The following RFTN2 variants were observed in gnomAD, a reference collection of about 807,000 sequenced individuals.
RFTN2 encodes the protein raftlin-2.
A neutral mutation model predicts 52.7 loss-of-function variants in RFTN2; 34 were observed. The ratio of observed to expected loss-of-function variants is 0.64; its 90% confidence interval spans 0.49 to 0.86. The LOEUF (loss-of-function observed/expected upper bound fraction) is 0.86, where lower values mean the gene tolerates loss of function less well. Ranked by LOEUF, RFTN2 falls within the 40% of genes least tolerant of loss-of-function variation. RFTN2 has a pLI of 0.00. For missense variants in RFTN2, 536 were observed against 600.1 expected (o/e 0.89, Z 1.12); for synonymous variants, 203 against 217.7 (o/e 0.93, Z 0.59).
chr2:197,654,424 A>C (rs1234021830), intron 1 of RFTN2, among the ~76,000 whole-genome samples: 2 of 152,080 alleles, frequency 1.3e-5, no homozygotes, highest in Non-Finnish European at 2.9e-5. Context: ...AAAACAAAAA[A>C]GGAGAAAAAT....
At chr2:197,658,457 T>C (rs1352028301) in intron 1 of RFTN2, among the ~76,000 whole-genome samples, 1 of 151,918 alleles carries the variant, frequency 6.6e-6, no homozygotes, top group Non-Finnish European at 1.5e-5. Flanking sequence ...TTATTGTTTT[T>C]TTTTTTTTTG....
At chr2:197,646,729 AC>A in intron 1 of RFTN2, 63 bp from the exon 2 acceptor site, 1 of 1,289,700 alleles carries the variant, frequency 7.8e-7, no homozygotes, top group Non-Finnish European at 1.1e-6. Context: ...CATTATTTCT[AC>A]CTATGGGTGA....
At chr2:197,627,870 C>G (rs1412961336) in intron 5 of RFTN2, among the ~76,000 whole-genome samples, 1 of 127,116 alleles carries the variant, frequency 7.9e-6, no homozygotes, top group Non-Finnish European at 1.7e-5. Context: ...GAACATCTGT[C>G]CCCCGCCCCC....
intron 5 of RFTN2, among the ~76,000 whole-genome samples, chr2:197,626,226 C>G (rs2088356876): frequency 6.6e-6 from 1 of 152,138 alleles, no homozygotes; most frequent in South Asian, 2.1e-4. Context: ...TGAATGCAGG[C>G]ACCTTATGTA....
chr2:197,609,306 A>G (rs2088016366), intron 7 of RFTN2, among the ~76,000 whole-genome samples: 1 of 152,038 alleles, frequency 6.6e-6, no homozygotes, highest in Admixed American at 6.6e-5. Context: ...TGTTTCTTGA[A>G]TTTTTAATGA....
chr2:197,592,503 T>A (rs1347333518), intron 8 of RFTN2, among the ~76,000 whole-genome samples: 1 of 152,196 alleles, frequency 6.6e-6, no homozygotes, highest in Non-Finnish European at 1.5e-5. Flanking sequence ...CTGAAGAAAT[T>A]TTTTTCAAAG....
At position 197,577,566 on chromosome 2, in the gene RFTN2, C is replaced by T. The variant is rs576478877; in HGVS notation, c.1234-5286G>A. 1.8e-4 allele frequency among the ~76,000 whole-genome samples: 27 copies of T among 152,354 alleles called. No homozygotes were observed. The South Asian group carries it at 5.6e-3, about 32-fold the overall frequency. The stretch of plus-strand genomic sequence containing the variant: ...TTCTTCCCTGCACTGGGGCATTGGT[C>T]AGCAAGGATACAGTCTTTTGGCTTC... On this transcript the variant is annotated intron_variant, in intron 8 of 8. Coordinates refer to ENST00000295049, the MANE Select transcript of RFTN2 (RefSeq NM_144629.3).
chr2:197,610,736 A>G (rs1574704939), intron 7 of RFTN2, among the ~76,000 whole-genome samples: 1 of 152,308 alleles, frequency 6.6e-6, no homozygotes, highest in South Asian at 2.1e-4. Flanking sequence ...TCAGTATGAT[A>G]TTGGCTGTGG....
intron 7 of RFTN2, among the ~76,000 whole-genome samples, chr2:197,603,713 G>A (rs920848670): frequency 2.0e-5 from 3 of 152,122 alleles, no homozygotes; most frequent in Non-Finnish European, 4.4e-5. Flanking sequence ...TCAGGAGTTC[G>A]AGACCAGCCT....
chr2:197,628,860 CAGTG>C (rs2088413470), intron 5 of RFTN2, among the ~76,000 whole-genome samples: 1 of 152,198 alleles, frequency 6.6e-6, no homozygotes, highest in African/African-American at 2.4e-5. Flanking sequence ...AACTGAGACT[CAGTG>C]AGCTCAACTA....
intron 7 of RFTN2, among the ~76,000 whole-genome samples, chr2:197,598,649 C>CA (rs2087828463): frequency 6.6e-6 from 1 of 152,274 alleles, no homozygotes; most frequent in African/African-American, 2.4e-5. Flanking sequence ...CCGTGCATTC[C>CA]AAACATTGAG....
rs376570305 is a variant in RFTN2, at chr2:197,618,879, C to T, written c.929-958G>A. Among the ~76,000 whole-genome samples, 343 of 150,928 alleles carry T rather than the reference C, an allele frequency of 2.3e-3. 13 individuals are homozygous for T. The East Asian group carries it at 0.06, about 27-fold the overall frequency. ...CGCCCCGTCTGAGAAGTGAGGAGCC[C>T]CTCCGCCCAGCAGCCACCCCGTCTG... On this transcript the variant is annotated intron_variant, in intron 5 of 8. Coordinates refer to ENST00000295049, the MANE Select transcript of RFTN2 (RefSeq NM_144629.3).
At chr2:197,605,848 C>T (rs2087953438) in intron 7 of RFTN2, among the ~76,000 whole-genome samples, 1 of 152,088 alleles carries the variant, frequency 6.6e-6, no homozygotes, top group Non-Finnish European at 1.5e-5. Context: ...AATACTTTTC[C>T]TTTCTAAAAC....
chr2:197,674,356 A>G (rs1212368795), intron 1 of RFTN2, among the ~76,000 whole-genome samples: 42 of 150,082 alleles, frequency 2.8e-4, no homozygotes, highest in African/African-American at 1.0e-3. Flanking sequence ...AAAAAAAAAA[A>G]AAAAAAAGAA....
chr2:197,614,324 G>C (rs112455286), intron 7 of RFTN2, among the ~76,000 whole-genome samples: 4 of 152,292 alleles, frequency 2.6e-5, no homozygotes, highest in African/African-American at 9.6e-5. Context: ...TGAATGCTGA[G>C]AAGAGTTTGG....
intron 3 of RFTN2, among the ~76,000 whole-genome samples, chr2:197,638,895 G>A (rs1269426159): frequency 2.6e-5 from 4 of 151,408 alleles, no homozygotes; most frequent in South Asian, 2.1e-4. Flanking sequence ...TCCTTTCCAT[G>A]TTTAGTGCTT....
chr2:197,577,555 G>T (rs1012986310), intron 8 of RFTN2, among the ~76,000 whole-genome samples: 35 of 152,200 alleles, frequency 2.3e-4, no homozygotes, highest in Non-Finnish European at 5.9e-5. Flanking sequence ...TCCCTGCACT[G>T]GGGCATTGGT....
chr2:197,654,418 CA>C (rs1352127223), intron 1 of RFTN2, among the ~76,000 whole-genome samples: 1 of 151,564 alleles, frequency 6.6e-6, no homozygotes, highest in African/African-American at 2.4e-5. Flanking sequence ...AAATCAAAAA[CA>C]AAAAAGGAGA....
chr2:197,611,347 G>GT (rs2088057825), intron 7 of RFTN2, among the ~76,000 whole-genome samples: 1 of 152,196 alleles, frequency 6.6e-6, no homozygotes, highest in Non-Finnish European at 1.5e-5. Flanking sequence ...TTGGGAGGGT[G>GT]TATGTGTCCA....
Sources: allele counts gnomAD v4.1 joint callset (sites outside exome capture counted in the v4.1 genomes callset), GRCh38; gene constraint gnomAD v4.1.1; transcripts MANE v1.5; gene names NCBI Gene and HGNC (gene_info 2026-07-23, HGNC 2026-07-21).